The following ITPK1 variants were observed in gnomAD, a reference collection of about 807,000 sequenced individuals.
The protein encoded by ITPK1 is inositol-tetrakisphosphate 1-kinase.
Under a neutral mutation model 45.3 loss-of-function variants are expected in ITPK1, and 21 were observed. That is an observed-to-expected ratio of 0.46 (90% CI 0.33 to 0.67). The LOEUF is 0.67. ITPK1 is among the 30% of genes least tolerant of loss of function. The pLI, the probability that ITPK1 is intolerant of heterozygous loss-of-function variation, is 0.02. For missense variants in ITPK1, 474 were observed against 573.5 expected (o/e 0.83, Z 1.77); for synonymous variants, 258 against 253.6 (o/e 1.02, Z -0.16).
chr14:92,990,184 A>G (rs2139801840), intron 5 of ITPK1, among the ~76,000 whole-genome samples: 1 of 152,338 alleles, frequency 6.6e-6, no homozygotes, highest in South Asian at 2.1e-4. Flanking sequence ...TTCTGGCCAA[A>G]GTCCCTTCTC....
intron 8 of ITPK1, among the ~76,000 whole-genome samples, chr14:92,952,510 A>G (rs1369228196): frequency 1.3e-5 from 2 of 152,102 alleles, no homozygotes; most frequent in Non-Finnish European, 2.9e-5. Context: ...TAAAATACAA[A>G]GGGTTCTGGT....
chr14:93,029,623 C>T (rs1566744416), intron 3 of ITPK1, among the ~76,000 whole-genome samples: 1 of 152,258 alleles, frequency 6.6e-6, no homozygotes, highest in East Asian at 1.9e-4. Context: ...CGGCAGGCCA[C>T]AATCTTTGAG....
At chr14:93,018,117 TGGCCAAGTCG>T (rs1241044904) in intron 3 of ITPK1, among the ~76,000 whole-genome samples, 2 of 152,266 alleles carry the variant, frequency 1.3e-5, no homozygotes, top group East Asian at 3.9e-4. Context: ...CCTTGTCCTC[TGGCCAAGTCG>T]GGCCAACTGG....
intron 4 of ITPK1, among the ~76,000 whole-genome samples, chr14:92,998,378 C>T (rs961883767): frequency 7.9e-5 from 12 of 152,242 alleles, no homozygotes; most frequent in African/African-American, 2.9e-4. Flanking sequence ...GCCCACCCTC[C>T]TGCTGATGCC....
intron 3 of ITPK1, among the ~76,000 whole-genome samples, chr14:93,028,922 G>A (rs1303176541): frequency 2.6e-5 from 4 of 152,186 alleles, no homozygotes; most frequent in African/African-American, 4.8e-5. Context: ...CTGAGCTTAC[G>A]TGGCTGATGA....
chr14:92,973,805 T>G (rs931947210), intron 5 of ITPK1, among the ~76,000 whole-genome samples: 4 of 152,150 alleles, frequency 2.6e-5, no homozygotes, highest in Non-Finnish European at 5.9e-5. Context: ...GGCCCCGGGA[T>G]GCAAGCGACA....
At chr14:93,094,038 C>T (rs1891969607) in intron 2 of ITPK1, among the ~76,000 whole-genome samples, 1 of 152,232 alleles carries the variant, frequency 6.6e-6, no homozygotes, top group Admixed American at 6.5e-5. Context: ...CCCACCGCCT[C>T]GGCTCCACCG....
rs746629688 is a variant in ITPK1 at position 93,014,515 on chromosome 14, C to A, written c.246+2161G>T. On this transcript the variant is annotated intron_variant, in intron 4 of 10. Transcript: ENST00000267615. The surrounding 1 kb of genome is among the most constrained non-coding windows in gnomAD (Gnocchi z 4.4). ...ACTCAGCTACAATGGGCACTTTACACCCACAGGCATTTACTCCTCCCAGCA... is the reference window on the plus strand; with the variant it reads ...ACTCAGCTACAATGGGCACTTTACAACCACAGGCATTTACTCCTCCCAGCA... Among the ~76,000 whole-genome samples, 12 of 152,164 alleles carry A rather than the reference C, an allele frequency of 7.9e-5. No individual in the cohort carries two copies. Among genetic ancestry groups the A allele is most frequent in the Admixed American group, 2.0e-4 (3 of 15,282 alleles).
At chr14:93,070,727 A>G (rs1478634738) in intron 3 of ITPK1, 1 of 152,456 alleles carries the variant, frequency 6.6e-6, no homozygotes. Context: ...TACCTTGGCC[A>G]CTGTCTGCAG....
intron 2 of ITPK1, among the ~76,000 whole-genome samples, chr14:93,101,507 A>G (rs1892318926): frequency 6.6e-6 from 1 of 152,134 alleles, no homozygotes; most frequent in Admixed American, 6.5e-5. Flanking sequence ...CTGACAAGGA[A>G]ATTAAGGCCC....
intron 2 of ITPK1, among the ~76,000 whole-genome samples, chr14:93,085,985 C>A (rs1189512197): frequency 1.3e-5 from 2 of 152,060 alleles, no homozygotes; most frequent in African/African-American, 4.8e-5. Flanking sequence ...CCGCTACCCC[C>A]ACTCCCCCTC....
In ITPK1 at chr14:92,944,933, C is replaced by CGTCCT. The variant is rs546627380; in HGVS notation, c.901+1393_901+1397dup. 6.0e-4 allele frequency among the ~76,000 whole-genome samples: 92 copies of CGTCCT among 152,328 alleles called. No homozygotes were observed. The East Asian group carries it at 0.015, about 25-fold the overall frequency. ...CCCCGACTCCCAGGGAGAGCTCCAACGTCCTCAGTTCACCACACGCAGCTC... is the reference window on the plus strand; with the variant it reads ...CCCCGACTCCCAGGGAGAGCTCCAACGTCCTGTCCTCAGTTCACCACACGCAGCTC... On this transcript the variant is annotated intron_variant, in intron 10 of 10. Coordinates refer to ENST00000267615, the MANE Select transcript of ITPK1 (RefSeq NM_014216.6).
In ITPK1 at chr14:92,937,493, G is replaced by T. The variant is rs1887178289; in HGVS notation, c.*4068C>A. 6.6e-6 allele frequency: 1 copy of T among 152,258 alleles called. No individual in the cohort carries two copies. Among genetic ancestry groups the T allele is most frequent in the Admixed American group, 6.5e-5 (1 of 15,284 alleles). The allele number at this position is 152,258 out of a possible 1,614,324, so 9.4% of individuals were successfully genotyped here. ...AAATGTAATCATTTCTGAAAAGGGG[G>T]GGTCTGGGTGCTCCTGCGGGTGAGA... On this transcript the variant is annotated 3_prime_UTR_variant, in exon 11 of 11. Coordinates refer to ENST00000267615, the MANE Select transcript of ITPK1 (RefSeq NM_014216.6).
At chr14:92,991,038 G>A (rs1886760366) in intron 5 of ITPK1, among the ~76,000 whole-genome samples, 1 of 152,154 alleles carries the variant, frequency 6.6e-6, no homozygotes, top group African/African-American at 2.4e-5. Flanking sequence ...GGCAGGGGGG[G>A]TGACAACCGG....
intron 3 of ITPK1, among the ~76,000 whole-genome samples, chr14:93,028,383 G>C (rs753725696): frequency 2.0e-5 from 3 of 152,140 alleles, no homozygotes; most frequent in Non-Finnish European, 4.4e-5. Flanking sequence ...TAACACCTTC[G>C]CTCAGCCTGT....
intron 2 of ITPK1, among the ~76,000 whole-genome samples, chr14:93,107,216 C>T (rs796313457): frequency 4.6e-5 from 7 of 152,302 alleles, no homozygotes; most frequent in African/African-American, 1.7e-4. Flanking sequence ...CCTCAGCCTC[C>T]CAAAGTGCTG....
At chr14:93,059,459 A>G (rs1224951822) in intron 3 of ITPK1, among the ~76,000 whole-genome samples, 19 of 12,210 alleles carry the variant, frequency 1.6e-3, no homozygotes, top group East Asian at 4.5e-3. Flanking sequence ...GAGGGAGTGC[A>G]GGTCACGAGG....
chr14:92,960,497 G>A (rs1403836877), intron 7 of ITPK1, among the ~76,000 whole-genome samples: 1 of 152,146 alleles, frequency 6.6e-6, no homozygotes, highest in Non-Finnish European at 1.5e-5. Flanking sequence ...TGGGTGGCTG[G>A]GTAATTTGCC....
chr14:92,951,030 C>G (rs1887931262), intron 9 of ITPK1, among the ~76,000 whole-genome samples: 1 of 152,188 alleles, frequency 6.6e-6, no homozygotes, highest in South Asian at 2.1e-4. Context: ...TCTGGGGCAG[C>G]CCCCCGAGGG....
Sources: allele counts gnomAD v4.1 joint callset (sites outside exome capture counted in the v4.1 genomes callset), GRCh38; gene constraint gnomAD v4.1.1; non-coding constraint Gnocchi (gnomAD v3.1); transcripts MANE v1.5; gene names NCBI Gene and HGNC (gene_info 2026-07-23, HGNC 2026-07-21).